Variants in ABCB1 observed in about 807,000 individuals in gnomAD.
ABCB1 encodes ATP binding cassette subfamily B member 1.
Under a neutral mutation model 142.0 loss-of-function variants are expected in ABCB1, and 69 were observed. The ratio of observed to expected loss-of-function variants is 0.49; its 90% CI spans 0.40 to 0.59. The LOEUF (loss-of-function observed/expected upper bound fraction) is 0.59, where lower values mean the gene tolerates loss of function less well. ABCB1 is among the 20% of genes least tolerant of loss of function. The pLI is 0.00. For synonymous variants in ABCB1, 532 were observed against 539.2 expected (o/e 0.99, Z 0.18); for missense variants, 1,326 against 1,554.7 (o/e 0.85, Z 2.47).
upstream of ABCB1, among the ~76,000 whole-genome samples, chr7:87,601,285 T>C (rs1819447679): frequency 6.6e-6 from 1 of 152,242 alleles, no homozygotes; most frequent in African/African-American, 2.4e-5. Flanking sequence ...TTCTGCTTCC[T>C]AACACCTTTG....
chr7:87,530,240 A>C (rs1815976615), intron 21 of ABCB1, among the ~76,000 whole-genome samples: 1 of 152,158 alleles, frequency 6.6e-6, no homozygotes, highest in Admixed American at 6.5e-5. Flanking sequence ...CCCTGTCCTA[A>C]ATGTTAGTTA....
At chr7:87,689,131 T>C (rs920702800) in intron 1 of ABCB1, among the ~76,000 whole-genome samples, 2 of 152,064 alleles carry the variant, frequency 1.3e-5, no homozygotes, top group African/African-American at 4.8e-5. Flanking sequence ...AAGATGATAC[T>C]ATGAAAAGAG....
intron 1 of ABCB1, among the ~76,000 whole-genome samples, chr7:87,657,341 C>T (rs1252220137): frequency 1.3e-5 from 2 of 152,070 alleles, no homozygotes; most frequent in African/African-American, 4.8e-5. Flanking sequence ...GCCAAAGGAC[C>T]AGAGAAAGAA....
Position 87,550,203 on chromosome 7 carries a change from T to C in ABCB1, c.1318A>G (p.Met440Val), listed in dbSNP as rs764807184. ...TCTGTGGGGTCATAGAGCCTCTGCA[T>C]CAGCTGGACTGTTGTGCTCTTCCCA... ...GCGKSTTVQL[M>V]QRLYDPTEGM... Residue 440 changes from methionine to valine, a missense_variant, in exon 12 of 28, where the codon ATG becomes GTG. By Grantham distance (21) the Met-to-Val change is conservative. Coordinates refer to ENST00000622132, the MANE Select transcript of ABCB1 (RefSeq NM_001348946.2). 3 of 1,614,200 alleles carry C rather than the reference T, an allele frequency of 1.9e-6. No homozygotes were observed. The highest frequency in any genetic ancestry group is 1.3e-5 in the African/African-American group (1 of 75,060).
At chr7:87,606,684 AAATT>A (rs1310783791) in intron 1 of ABCB1, among the ~76,000 whole-genome samples, 1 of 152,166 alleles carries the variant, frequency 6.6e-6, no homozygotes, top group African/African-American at 2.4e-5. Context: ...TATATCAAGC[AAATT>A]AATTGGTGTA....
intron 19 of ABCB1, among the ~76,000 whole-genome samples, chr7:87,538,674 T>C (rs952400695): frequency 3.3e-5 from 5 of 152,198 alleles, no homozygotes; most frequent in African/African-American, 1.2e-4. Context: ...TACATTCCTC[T>C]AATTTCCTTC....
At chr7:87,541,852 T>C (rs935121834) in intron 17 of ABCB1, among the ~76,000 whole-genome samples, 1 of 152,208 alleles carries the variant, frequency 6.6e-6, no homozygotes, top group Non-Finnish European at 1.5e-5. Context: ...GAAAACCTGA[T>C]GTGGTTTTTT....
In ABCB1 at chr7:87,582,638, T is replaced by A. The variant is rs578171931; in HGVS notation, c.286+2874A>T. On this transcript the variant is annotated intron_variant, in intron 4 of 27. Transcript: ENST00000622132. ...TAAATATCTTAGGCTCTGCAGACCA[T>A]ACGGTTTGTACAACTACTCTACTGT... Among the ~76,000 whole-genome samples, 5 of 152,324 alleles carry A rather than the reference T, an allele frequency of 3.3e-5. No individual in the cohort carries two copies. The East Asian group carries it at 9.6e-4, about 29-fold the overall frequency.
chr7:87,542,158 C>A (rs982005969), intron 17 of ABCB1, among the ~76,000 whole-genome samples: 2 of 152,136 alleles, frequency 1.3e-5, no homozygotes, highest in African/African-American at 2.4e-5. Flanking sequence ...TAGCCCAGGA[C>A]AGACAACTTT....
intron 1 of ABCB1, among the ~76,000 whole-genome samples, chr7:87,701,045 A>G (rs1462047487): frequency 1.3e-5 from 2 of 152,226 alleles, no homozygotes; most frequent in Non-Finnish European, 2.9e-5. Context: ...CTCAACTTTG[A>G]GGATCTGTCT....
Position 87,687,325 on chromosome 7 carries a change from G to GACCTCATCCA in ABCB1, c.-331+25835_-331+25836insTGGATGAGGT, listed in dbSNP as rs1563134111. Reference sequence around the variant, plus strand: ...GCACACTTCTTCTAGTATCTGAATGGTTAACACCCTCATCCATTTGAAAAC... The same window carrying GACCTCATCCA: ...GCACACTTCTTCTAGTATCTGAATGGACCTCATCCATTAACACCCTCATCCATTTGAAAAC... On this transcript the variant is annotated intron_variant, in intron 1 of 28. Transcript: ENST00000265724. 2.7e-3 allele frequency among the ~76,000 whole-genome samples: 413 copies of GACCTCATCCA among 152,126 alleles called. 2 individuals are homozygous for GACCTCATCCA. The highest frequency in any genetic ancestry group is 9.3e-3 in the African/African-American group (385 of 41,510).
rs149043325 is a variant in ABCB1, at chr7:87,535,735, G to A, written c.2481+723C>T. On this transcript the variant is annotated intron_variant, in intron 20 of 27. Transcript: ENST00000622132. ...CATATATTAGATAGAAGAAATGTTA[G>A]TATAGTACTAACTTACAGAAAAGAT... Among the ~76,000 whole-genome samples, 399 of 152,212 alleles carry A rather than the reference G, an allele frequency of 2.6e-3. 5 individuals carry two copies. The highest frequency in any genetic ancestry group is 9.1e-3 in the African/African-American group (376 of 41,532).
At chr7:87,608,243 C>A (rs1265208291) in intron 1 of ABCB1, among the ~76,000 whole-genome samples, 1 of 152,166 alleles carries the variant, frequency 6.6e-6, no homozygotes, top group East Asian at 1.9e-4. Context: ...TCTTTTGCTG[C>A]AACTAAAACT....
chr7:87,599,862 C>A (rs1330393727), intron 2 of ABCB1, among the ~76,000 whole-genome samples: 1 of 152,098 alleles, frequency 6.6e-6, no homozygotes, highest in Non-Finnish European at 1.5e-5. Flanking sequence ...TCCATGTACC[C>A]CATTTCATAA....
chr7:87,659,305 T>TTCTG (rs1824456348), intron 1 of ABCB1: 1 of 362,254 alleles, frequency 2.8e-6, no homozygotes, highest in Non-Finnish European at 5.4e-6. Flanking sequence ...GTTTTCTTTT[T>TTCTG]TCTGTCTTCT....
At chr7:87,595,626 C>T (rs942359197) in intron 3 of ABCB1, 140 bp downstream of exon 3, 1 of 678,320 alleles carries the variant, frequency 1.5e-6, no homozygotes. Context: ...TGAAAATAAG[C>T]TAAATCAAAC....
At chr7:87,574,888 A>G (rs1818209563) in intron 4 of ABCB1, among the ~76,000 whole-genome samples, 1 of 152,158 alleles carries the variant, frequency 6.6e-6, no homozygotes, top group Non-Finnish European at 1.5e-5. Flanking sequence ...AAACTGAACT[A>G]TATCTAGTTT....
intron 1 of ABCB1, among the ~76,000 whole-genome samples, chr7:87,663,036 A>G (rs2130462962): frequency 6.6e-6 from 1 of 152,056 alleles, no homozygotes; most frequent in South Asian, 2.1e-4. Context: ...TTTCTTTTTC[A>G]GATTGTTCAC....
intron 25 of ABCB1, among the ~76,000 whole-genome samples, chr7:87,511,764 T>TC (rs1303013232): frequency 1.3e-5 from 2 of 152,166 alleles, no homozygotes; most frequent in African/African-American, 2.4e-5. Context: ...ATATTTTGTG[T>TC]CCCCCCTTGA....
Sources: allele counts gnomAD v4.1 joint callset (sites outside exome capture counted in the v4.1 genomes callset), GRCh38; gene constraint gnomAD v4.1.1; transcripts MANE v1.5; gene names NCBI Gene and HGNC (gene_info 2026-07-23, HGNC 2026-07-21).